Variants in TNFRSF10A observed in about 807,000 individuals in gnomAD.
TNFRSF10A encodes tumor necrosis factor receptor superfamily member 10A.
In TNFRSF10A, 44 loss-of-function variants were observed where a neutral mutation model predicts 42.8. The observed-to-expected ratio is 1.03, with a 90% confidence interval of 0.81 to 1.32. The LOEUF is 1.32. Ranked by LOEUF, TNFRSF10A falls within the 40% of genes most tolerant of loss-of-function variation. TNFRSF10A has a pLI of 0.00. For missense variants in TNFRSF10A, 680 were observed against 602.0 expected, an observed-to-expected ratio of 1.13 and a Z score of -1.36; for synonymous variants, 259 against 234.2, an observed-to-expected ratio of 1.11 and a Z score of -0.97.
intron 7 of TNFRSF10A, 38 bp downstream of exon 7, chr8:23,199,848 G>GA (rs1800882337): frequency 6.2e-7 from 1 of 1,614,010 alleles, no homozygotes; most frequent in African/African-American, 1.3e-5. Context: ...CAGTTCCTGA[G>GA]CCCCTGATGC....
intron 1 of TNFRSF10A, among the ~76,000 whole-genome samples, chr8:23,218,236 G>A (rs548911437): frequency 1.1e-4 from 16 of 152,142 alleles, no homozygotes; most frequent in African/African-American, 3.9e-4. Context: ...CTCCTCCATA[G>A]ACTCTCCTGA....
chr8:23,224,580 T>C, intron 1 of TNFRSF10A, 176 bp downstream of exon 1: 1 of 844,764 alleles, frequency 1.2e-6, no homozygotes, highest in Non-Finnish European at 1.8e-6. Context: ...GGGTCGCTCC[T>C]GCCTGGCCCC....
intron 8 of TNFRSF10A, 92 bp from the exon 9 acceptor site, chr8:23,197,296 G>T: frequency 5.5e-6 from 8 of 1,457,488 alleles, no homozygotes; most frequent in Non-Finnish European, 6.7e-6. Context: ...GAAACCTGCA[G>T]CACATCACTT....
intron 1 of TNFRSF10A, among the ~76,000 whole-genome samples, chr8:23,217,565 T>G (rs1672519914): frequency 1.3e-5 from 2 of 152,096 alleles, no homozygotes; most frequent in South Asian, 4.1e-4. Flanking sequence ...AAATCTCTAC[T>G]AATAGCAAGT....
At chr8:23,210,012 C>G (rs1585285083) in intron 2 of TNFRSF10A, among the ~76,000 whole-genome samples, 1 of 152,128 alleles carries the variant, frequency 6.6e-6, no homozygotes. Context: ...GCAGGTCTTT[C>G]CCATGCTGTT....
intron 1 of TNFRSF10A, 112 bp downstream of exon 1, chr8:23,224,644 G>T: frequency 7.3e-7 from 1 of 1,362,316 alleles, no homozygotes; most frequent in Non-Finnish European, 9.8e-7. Flanking sequence ...GCCCGGACAT[G>T]CCCCGCCACA....
intron 9 of TNFRSF10A, among the ~76,000 whole-genome samples, chr8:23,195,783 T>G (rs11992321): frequency 0.14 from 20,879 of 152,114 alleles, 1,503 homozygotes; most frequent in Middle Eastern, 0.21. Flanking sequence ...CTTTTAGTAT[T>G]AAATTAACCT....
intron 1 of TNFRSF10A, among the ~76,000 whole-genome samples, chr8:23,215,360 A>G (rs192090582): frequency 6.6e-6 from 1 of 152,008 alleles, no homozygotes. Flanking sequence ...TACTAAAAAT[A>G]TGCTGGGCGT....
chr8:23,224,626 C>T, intron 1 of TNFRSF10A, 130 bp downstream of exon 1: 1 of 1,244,188 alleles, frequency 8.0e-7, no homozygotes, highest in African/African-American at 1.6e-5. Flanking sequence ...CGACGACGGG[C>T]TCCTCCTGCC....
chr8:23,197,997 T>C (rs763548597), intron 8 of TNFRSF10A, among the ~76,000 whole-genome samples: 1 of 152,202 alleles, frequency 6.6e-6, no homozygotes, highest in African/African-American at 2.4e-5. Flanking sequence ...TGGAGATTAT[T>C]GACCTTTTTA....
At chr8:23,217,648 C>T (rs995391298) in intron 1 of TNFRSF10A, among the ~76,000 whole-genome samples, 1 of 145,578 alleles carries the variant, frequency 6.9e-6, no homozygotes, top group African/African-American at 2.6e-5. Flanking sequence ...CTGTTCTTCC[C>T]ACCTCTCACA....
At chr8:23,214,254 G>A (rs1430966265) in intron 1 of TNFRSF10A, among the ~76,000 whole-genome samples, 4 of 152,248 alleles carry the variant, frequency 2.6e-5, no homozygotes, top group Non-Finnish European at 4.4e-5. Context: ...TTGGGAGGCC[G>A]AGGCAGGCAG....
intron 1 of TNFRSF10A, among the ~76,000 whole-genome samples, chr8:23,214,140 G>A (rs1182561663): frequency 6.6e-6 from 1 of 151,876 alleles, no homozygotes; most frequent in Non-Finnish European, 1.5e-5. Flanking sequence ...AGCCTCCCAA[G>A]ACATTTTCTA....
intron 1 of TNFRSF10A, among the ~76,000 whole-genome samples, chr8:23,221,263 A>G (rs1043020429): frequency 2.0e-5 from 3 of 152,186 alleles, no homozygotes; most frequent in African/African-American, 7.2e-5. Flanking sequence ...TGGTTTACAC[A>G]GGGCCGCTGC....
At chr8:23,197,433 T>G (rs143080290) in intron 8 of TNFRSF10A, among the ~76,000 whole-genome samples, 1 of 152,204 alleles carries the variant, frequency 6.6e-6, no homozygotes, top group Non-Finnish European at 1.5e-5. Context: ...TAGATTCTTA[T>G]AGGAGTGCAA....
Position 23,200,706 on chromosome 8 carries a change from C to G in TNFRSF10A, c.684G>C (p.Glu228Asp). 3 of 1,612,658 alleles carry G rather than the reference C, an allele frequency of 1.9e-6. No individual in the cohort carries two copies. Among genetic ancestry groups the G allele is most frequent in the Non-Finnish European group, 2.5e-6 (3 of 1,179,110 alleles). The stretch of plus-strand genomic sequence containing the variant: ...TTGTACCTGATTCTTTGTGGACACA[C>G]TCGATGTCACTCCAGGGCGTACAAT... Reference protein sequence around the residue: ...VKDCTPWSDIECVHKESGNGH... With the variant: ...VKDCTPWSDIDCVHKESGNGH... Residue 228 changes from glutamate (E) to aspartate (D), a missense_variant, in exon 5 of 10, where the codon GAG becomes GAC. Coordinates refer to ENST00000221132, the MANE Select transcript of TNFRSF10A (RefSeq NM_003844.4).
At chr8:23,192,245 GC>G (rs1424919356) in intron 9 of TNFRSF10A, among the ~76,000 whole-genome samples, 1 of 152,204 alleles carries the variant, frequency 6.6e-6, no homozygotes, top group Admixed American at 6.5e-5. Context: ...CAGAGAATCT[GC>G]CCTCAGAGAG....
chr8:23,209,127 C>T (rs1401980947), intron 2 of TNFRSF10A, among the ~76,000 whole-genome samples: 1 of 152,190 alleles, frequency 6.6e-6, no homozygotes, highest in Non-Finnish European at 1.5e-5. Context: ...GGTGGAAGCC[C>T]CAAGCCTTGG....
intron 8 of TNFRSF10A, among the ~76,000 whole-genome samples, chr8:23,198,232 C>T (rs1190777894): frequency 6.6e-6 from 1 of 151,956 alleles, no homozygotes; most frequent in Admixed American, 6.6e-5. Context: ...GGGAGTGCCT[C>T]GCTTTGCACT....
Sources: allele counts gnomAD v4.1 joint callset (sites outside exome capture counted in the v4.1 genomes callset), GRCh38; gene constraint gnomAD v4.1.1; transcripts MANE v1.5; gene names NCBI Gene and HGNC (gene_info 2026-07-23, HGNC 2026-07-21).